PILRA: variants seen among roughly 807,000 people sequenced by gnomAD.
The protein encoded by PILRA is paired immunoglobulin-like type 2 receptor alpha.
PILRA carries 37 observed loss-of-function variants against 33.1 expected under a neutral mutation model. The observed-to-expected ratio is 1.12, with a 90% CI of 0.86 to 1.47. PILRA has a LOEUF of 1.47. PILRA is among the 40% of genes most tolerant of loss of function. The pLI, the probability that PILRA is intolerant of heterozygous loss-of-function variation, is 0.00. For synonymous variants in PILRA, 146 were observed against 149.9 expected (o/e 0.97, Z 0.19); for missense variants, 312 against 376.2 (o/e 0.83, Z 1.41).
intron 2 of PILRA, among the ~76,000 whole-genome samples, chr7:100,378,996 G>A (rs575068034): frequency 3.5e-4 from 53 of 151,466 alleles, no homozygotes; most frequent in African/African-American, 1.2e-3. Flanking sequence ...CGGAGGCTGC[G>A]GCAGGAGAAT....
At chr7:100,382,167 G>T (rs369985613) in intron 2 of PILRA, among the ~76,000 whole-genome samples, 1 of 152,248 alleles carries the variant, frequency 6.6e-6, no homozygotes. Flanking sequence ...CCTGGTTGGG[G>T]ATCCAATGGG....
intron 3 of PILRA, among the ~76,000 whole-genome samples, chr7:100,395,917 G>A (rs766736112): frequency 6.6e-6 from 1 of 152,140 alleles, no homozygotes; most frequent in Non-Finnish European, 1.5e-5. Flanking sequence ...CTGAGGCCAG[G>A]AGTTCGAGAC....
chr7:100,393,119 G>A lies in PILRA; in HGVS notation c.673+3013G>A, dbSNP rs570329152. On this transcript the variant is annotated intron_variant, in intron 3 of 6. Coordinates refer to ENST00000198536, the MANE Select transcript of PILRA (RefSeq NM_013439.3). ...ACATGGTGAAACCCCGTCTCTACTA[G>A]AAATATAAAAATTAGCTGTGCATGG... Among the ~76,000 whole-genome samples the A allele has an allele frequency of 6.1e-4, 93 of 152,078 alleles. 1 individual carries two copies. The highest frequency in any genetic ancestry group is 1.5e-3 in the South Asian group (7 of 4,818).
At chr7:100,377,231 C>CTTTTTTTTT (rs761225046) in intron 2 of PILRA, among the ~76,000 whole-genome samples, 5 of 100,940 alleles carry the variant, frequency 5.0e-5, no homozygotes, top group Admixed American at 1.1e-4. Context: ...TTTTCTATTT[C>CTTTTTTTTT]TTTTTTTTTT....
chr7:100,396,910 A>G (rs986540537), intron 3 of PILRA, among the ~76,000 whole-genome samples: 16 of 152,078 alleles, frequency 1.1e-4, no homozygotes, highest in African/African-American at 3.9e-4. Context: ...GATGTTTCAC[A>G]ACAGTGTGAA....
intron 2 of PILRA, among the ~76,000 whole-genome samples, chr7:100,382,587 G>T (rs962863872): frequency 6.6e-6 from 1 of 151,992 alleles, no homozygotes; most frequent in Non-Finnish European, 1.5e-5. Context: ...CAGACCAATC[G>T]GCTCTCTGTA....
intron 2 of PILRA, among the ~76,000 whole-genome samples, chr7:100,382,616 G>A (rs1791134666): frequency 6.6e-6 from 1 of 152,214 alleles, no homozygotes; most frequent in South Asian, 2.1e-4. Flanking sequence ...CAATCAGCAG[G>A]ATGTGGGTGG....
chr7:100,374,077 A>G lies in PILRA; in HGVS notation c.98A>G (p.Tyr33Cys). 2 of 1,613,934 alleles carry G rather than the reference A, an allele frequency of 1.2e-6. No individual in the cohort carries two copies. Among genetic ancestry groups the G allele is most frequent in the Non-Finnish European group, 1.7e-6 (2 of 1,179,956 alleles). The change falls in exon 2 of 7, where the codon TAT (tyrosine) becomes TGT (cysteine). Residue 33 changes from tyrosine (Y) to cysteine (C), a missense_variant. Coordinates refer to ENST00000198536, the MANE Select transcript of PILRA (RefSeq NM_013439.3). ...GSTGSGPSYL[Y>C]GVTQPKHLSA... Reference sequence around the variant, plus strand: ...ACAGGATCTGGTCCAAGCTACCTTTATGGGGTCACTCAACCAAAACACCTC... The same window carrying G: ...ACAGGATCTGGTCCAAGCTACCTTTGTGGGGTCACTCAACCAAAACACCTC...
intron 2 of PILRA, among the ~76,000 whole-genome samples, chr7:100,384,319 G>C (rs887613801): frequency 6.6e-6 from 1 of 151,144 alleles, no homozygotes; most frequent in South Asian, 2.1e-4. Context: ...GTGTGAACAG[G>C]TAGATCTCTG....
chr7:100,397,940 T>C (rs376464842), intron 4 of PILRA, 28 bp downstream of exon 4: 26 of 1,611,584 alleles, frequency 1.6e-5, no homozygotes, highest in East Asian at 4.5e-5. Flanking sequence ...CCAGGGTGGG[T>C]TGGGGGGTGC....
chr7:100,378,121 C>T (rs1020565017), intron 2 of PILRA, among the ~76,000 whole-genome samples: 1 of 150,676 alleles, frequency 6.6e-6, no homozygotes, highest in African/African-American at 2.4e-5. Context: ...GGCTGAGGCA[C>T]GAAGATGACT....
intron 3 of PILRA, among the ~76,000 whole-genome samples, chr7:100,396,599 C>T (rs1791497460): frequency 6.6e-6 from 1 of 152,068 alleles, no homozygotes; most frequent in Admixed American, 6.6e-5. Flanking sequence ...TTACAGTGAG[C>T]CTAGATCACA....
At chr7:100,383,856 C>T (rs1257742169) in intron 2 of PILRA, among the ~76,000 whole-genome samples, 7 of 152,162 alleles carry the variant, frequency 4.6e-5, no homozygotes, top group Admixed American at 3.9e-4. Context: ...AGGCTGGTCT[C>T]GAACTGTTGA....
In PILRA at chr7:100,399,518, C is replaced by G. The variant is rs1328248790; in HGVS notation, c.758-63C>G. ...ATAACCTCACTCCTAGAGCCCCCTG[C>G]CCATCTCTCTCCCCTGGCTGTCACG... On this transcript the variant is annotated intron_variant, in intron 5 of 6. Coordinates refer to ENST00000198536, the MANE Select transcript of PILRA (RefSeq NM_013439.3). 4 of 1,582,836 alleles carry G rather than the reference C, an allele frequency of 2.5e-6. No individual in the cohort carries two copies. The Middle Eastern group carries it at 5.0e-4, about 198-fold the overall frequency.
At chr7:100,399,081 G>C (rs1396448340) in intron 4 of PILRA, among the ~76,000 whole-genome samples, 1 of 152,034 alleles carries the variant, frequency 6.6e-6, no homozygotes, top group Non-Finnish European at 1.5e-5. Flanking sequence ...TGTGACCACA[G>C]GCACACACCA....
chr7:100,388,408 G>A (rs1255350302), intron 2 of PILRA, among the ~76,000 whole-genome samples: 1 of 151,980 alleles, frequency 6.6e-6, no homozygotes, highest in Admixed American at 6.6e-5. Flanking sequence ...TCAATATACA[G>A]TAGGTTTTTT....
chr7:100,398,352 C>T lies in PILRA; in HGVS notation c.707+440C>T, dbSNP rs60112004. On this transcript the variant is annotated intron_variant, in intron 4 of 6. Transcript: ENST00000198536. ...TTCCTCTGCCTCCAGCTCCTCTCCC[C>T]GCCTGTGTTTGCTCAGGAGGGACTC... is the stretch of plus-strand genomic sequence containing the variant. Among the ~76,000 whole-genome samples, 471 of 152,316 alleles carry T rather than the reference C, an allele frequency of 3.1e-3. 5 individuals carry two copies. Among genetic ancestry groups the T allele is most frequent in the African/African-American group, 0.01 (428 of 41,570 alleles).
At chr7:100,377,443 G>A (rs1030514731) in intron 2 of PILRA, among the ~76,000 whole-genome samples, 6 of 151,766 alleles carry the variant, frequency 4.0e-5, no homozygotes, top group South Asian at 2.1e-4. Context: ...GGGTTTCACC[G>A]TGTTAGCCAG....
At position 100,393,946 on chromosome 7, in the gene PILRA, C is replaced by T. The variant is rs1010085626; in HGVS notation, c.673+3840C>T. Among the ~76,000 whole-genome samples, 33 of 152,336 alleles carry T rather than the reference C, an allele frequency of 2.2e-4. 1 individual carries two copies. Among genetic ancestry groups the T allele is most frequent in the African/African-American group, 7.5e-4 (31 of 41,562 alleles). On this transcript the variant is annotated intron_variant, in intron 3 of 6. Transcript: ENST00000198536. ...TCCACACAGCCGATCCCCGCCCCTCCGACCCAGTTTATATCTTATTGGCTA... is the reference window on the plus strand; with the variant it reads ...TCCACACAGCCGATCCCCGCCCCTCTGACCCAGTTTATATCTTATTGGCTA...
Sources: gnomAD v4.1 joint callset for allele counts (sites outside exome capture counted in the v4.1 genomes callset) on GRCh38, gnomAD v4.1.1 for gene constraint, MANE v1.5 for transcripts, NCBI Gene and HGNC (gene_info 2026-07-23, HGNC 2026-07-21) for gene names.